The following ARHGEF10 variants were observed in gnomAD, a reference collection of about 807,000 sequenced individuals.
ARHGEF10 encodes Rho guanine nucleotide exchange factor 10, also known as Rho guanine nucleotide exchange factor (GEF) 10.
A neutral mutation model predicts 147.4 loss-of-function variants in ARHGEF10; 140 were observed. The observed-to-expected ratio is 0.95, with a 90% CI of 0.83 to 1.09. The LOEUF is 1.09. Among genes scored for constraint, ARHGEF10 ranks in the 50% least tolerant of loss-of-function variants. The pLI is 0.00. For missense variants in ARHGEF10, 2,222 were observed against 1,752.7 expected, an observed-to-expected ratio of 1.27 and a Z score of -4.78; for synonymous variants, 902 against 695.8, an observed-to-expected ratio of 1.30 and a Z score of -4.67.
At chr8:1,954,470 A>AT (rs1475807534) in intron 28 of ARHGEF10, among the ~76,000 whole-genome samples, 3 of 113,816 alleles carry the variant, frequency 2.6e-5, no homozygotes, top group African/African-American at 1.0e-4. Context: ...ATATTCCAAC[A>AT]TTAAAAAAAA....
chr8:1,865,717 C>T (rs574628952), intron 5 of ARHGEF10, among the ~76,000 whole-genome samples: 6 of 112,386 alleles, frequency 5.3e-5, no homozygotes, highest in African/African-American at 1.4e-4. Flanking sequence ...CGGATTATCA[C>T]GTGATTCCGT....
intron 26 of ARHGEF10, among the ~76,000 whole-genome samples, chr8:1,939,838 A>G (rs1213517708): frequency 4.6e-5 from 7 of 152,322 alleles, no homozygotes; most frequent in African/African-American, 1.7e-4. Context: ...TGGGCAGTGC[A>G]GGCATCCCCA....
intron 10 of ARHGEF10, 106 bp downstream of exon 10, chr8:1,882,855 G>T (rs1401619793): frequency 2.1e-6 from 2 of 945,546 alleles, no homozygotes; most frequent in Non-Finnish European, 3.3e-6. Context: ...GGCTCCCACA[G>T]CCTTAGGGAG....
chr8:1,871,339 T>C (rs540493984), intron 7 of ARHGEF10, among the ~76,000 whole-genome samples: 1 of 151,496 alleles, frequency 6.6e-6, no homozygotes, highest in Non-Finnish European at 1.5e-5. Flanking sequence ...TCATAATAAC[T>C]GAATAAAATC....
At chr8:1,860,255 C>G in intron 4 of ARHGEF10, 71 bp downstream of exon 4, 1 of 1,512,816 alleles carries the variant, frequency 6.6e-7, no homozygotes, top group Non-Finnish European at 9.0e-7. Context: ...CCCGAAGTGG[C>G]CTGTGGTTCC....
At chr8:1,833,454 G>T (rs557619245) in intron 1 of ARHGEF10, among the ~76,000 whole-genome samples, 3 of 151,338 alleles carry the variant, frequency 2.0e-5, no homozygotes, top group Non-Finnish European at 4.4e-5. Context: ...GCAGAGACAG[G>T]GGCAGAGGCA....
chr8:1,901,677 A>T (rs1376105471), intron 15 of ARHGEF10, among the ~76,000 whole-genome samples: 1 of 152,068 alleles, frequency 6.6e-6, no homozygotes, highest in African/African-American at 2.4e-5. Context: ...GGCATGTCGG[A>T]CTCCACCCTG....
intron 2 of ARHGEF10, among the ~76,000 whole-genome samples, chr8:1,853,608 C>T (rs993520131): frequency 6.6e-6 from 1 of 152,242 alleles, no homozygotes; most frequent in East Asian, 1.9e-4. Flanking sequence ...TGGGAACCGA[C>T]CCAGCCCAGC....
In ARHGEF10 at chr8:1,909,448, C is replaced by T. The variant is rs375245126; in HGVS notation, c.2121C>T (p.Ala707=). Reference sequence around the variant, plus strand: ...CCGTTCACCCGCCGGAGAGCCTGGCCGTGGTTGCTAACGCGAAACCAAGTA... The same window carrying T: ...CCGTTCACCCGCCGGAGAGCCTGGCTGTGGTTGCTAACGCGAAACCAAGTA... ...HLAVHPPESL[A]VVANAKPNKV... is the part of the protein sequence containing the mutation. The change falls in exon 18 of 29, where the codon GCC becomes GCT. Residue 707 remains alanine, a synonymous_variant. Coordinates refer to ENST00000349830, the MANE Select transcript of ARHGEF10 (RefSeq NM_014629.4). 45 of 1,614,100 alleles carry T rather than the reference C, an allele frequency of 2.8e-5. No homozygotes were observed. The highest frequency in any genetic ancestry group is 1.3e-4 in the East Asian group (6 of 44,876).
intron 2 of ARHGEF10, among the ~76,000 whole-genome samples, chr8:1,845,400 T>G (rs1455821590): frequency 6.6e-6 from 1 of 152,252 alleles, no homozygotes; most frequent in Non-Finnish European, 1.5e-5. Flanking sequence ...CGTGCTTTTC[T>G]GTTGCCTCCC....
At chr8:1,833,053 C>G (rs1189454385) in intron 1 of ARHGEF10, among the ~76,000 whole-genome samples, 5 of 7,794 alleles carry the variant, frequency 6.4e-4, no homozygotes, top group African/African-American at 2.8e-3. Context: ...GAGACAGAGG[C>G]AGAGAGAGAC....
At chr8:1,924,020 C>G in intron 21 of ARHGEF10, 146 bp downstream of exon 21, 1 of 818,664 alleles carries the variant, frequency 1.2e-6, no homozygotes, top group Non-Finnish European at 2.0e-6. Flanking sequence ...GGAAAATTCA[C>G]CCTGGCACCG....
chr8:1,831,622 C>T (rs1458234857), intron 1 of ARHGEF10, among the ~76,000 whole-genome samples: 3 of 151,676 alleles, frequency 2.0e-5, no homozygotes, highest in African/African-American at 7.3e-5. Context: ...GTGGAGGGGC[C>T]GTGCACAGTG....
intron 2 of ARHGEF10, among the ~76,000 whole-genome samples, chr8:1,848,103 T>C (rs1168410610): frequency 6.6e-6 from 1 of 152,242 alleles, no homozygotes; most frequent in Non-Finnish European, 1.5e-5. Context: ...TGGTAGCTTG[T>C]AGAATAAATA....
At chr8:1,899,189 G>A (rs1039010583) in intron 15 of ARHGEF10, among the ~76,000 whole-genome samples, 4 of 152,202 alleles carry the variant, frequency 2.6e-5, no homozygotes, top group South Asian at 4.1e-4. Flanking sequence ...GCAGTGTGTG[G>A]TTGCCCGCTC....
chr8:1,881,580 G>A (rs1433857205), intron 9 of ARHGEF10, among the ~76,000 whole-genome samples: 1 of 146,836 alleles, frequency 6.8e-6, no homozygotes, highest in Non-Finnish European at 1.5e-5. Flanking sequence ...GGGGATGGGG[G>A]ACAGCATTGC....
At position 1,884,207 on chromosome 8, in the gene ARHGEF10, C is replaced by T. The variant is rs1473992888; in HGVS notation, c.1076-1394C>T. On this transcript the variant is annotated intron_variant, in intron 10 of 28. Transcript: ENST00000349830. Reference sequence around the variant, plus strand: ...AGGAGATCAAGACCATCCTGGCTAACACGGTGAAACCCCGTCTCTACTAAA... The same window carrying T: ...AGGAGATCAAGACCATCCTGGCTAATACGGTGAAACCCCGTCTCTACTAAA... 2.6e-5 allele frequency among the ~76,000 whole-genome samples: 4 copies of T among 152,016 alleles called. No individual in the cohort carries two copies. In the East Asian group the frequency reaches 7.7e-4, roughly 29 times the overall value.
intron 7 of ARHGEF10, among the ~76,000 whole-genome samples, chr8:1,871,572 C>T (rs1807129350): frequency 6.6e-6 from 1 of 152,160 alleles, no homozygotes; most frequent in Non-Finnish European, 1.5e-5. Flanking sequence ...GTAATCCCAG[C>T]ACTTTGGGAG....
chr8:1,937,709 G>A lies in ARHGEF10; in HGVS notation c.3222+3767G>A, dbSNP rs1398485597. ...CCTGAGCCCACAAGATTCGAGCCCT[G>A]GGTATGTGTCCGCCTTGCTGACAGC... On this transcript the variant is annotated intron_variant, in intron 26 of 28. Transcript: ENST00000349830. The surrounding 1 kb of genome is among the most constrained non-coding windows in gnomAD (Gnocchi z 4.9). 6.6e-6 allele frequency among the ~76,000 whole-genome samples: 1 copy of A among 152,252 alleles called. No individual in the cohort carries two copies. Among genetic ancestry groups the A allele is most frequent in the Non-Finnish European group, 1.5e-5 (1 of 68,040 alleles).
Sources: gnomAD v4.1 joint callset for allele counts (sites outside exome capture counted in the v4.1 genomes callset) on GRCh38, gnomAD v4.1.1 for gene constraint, Gnocchi (gnomAD v3.1) non-coding constraint, MANE v1.5 for transcripts, NCBI Gene and HGNC (gene_info 2026-07-23, HGNC 2026-07-21) for gene names.